The following PTPRZ1 variants were observed in gnomAD, a reference collection of about 807,000 sequenced individuals.
PTPRZ1 encodes protein tyrosine phosphatase receptor type Z1.
In PTPRZ1, 82 loss-of-function variants were observed where a neutral mutation model predicts 214.1. That is an observed-to-expected ratio of 0.38 (90% confidence interval 0.32 to 0.46). PTPRZ1 has a LOEUF of 0.46. Ranked by LOEUF, PTPRZ1 falls within the 20% of genes least tolerant of loss-of-function variation. The pLI, the probability that PTPRZ1 is intolerant of heterozygous loss-of-function variation, is 1.00. For missense variants in PTPRZ1, 2,603 were observed against 2,748.7 expected, an observed-to-expected ratio of 0.95 and a Z score of 1.19; for synonymous variants, 945 against 987.9, an observed-to-expected ratio of 0.96 and a Z score of 0.81.
intron 18 of PTPRZ1, among the ~76,000 whole-genome samples, chr7:122,037,877 A>G (rs1236368237): frequency 6.6e-6 from 1 of 152,204 alleles, no homozygotes; most frequent in Admixed American, 6.5e-5. Context: ...CACGTTCTGT[A>G]TTAGTCTATG....
chr7:121,962,403 G>A (rs1796907151), intron 2 of PTPRZ1, among the ~76,000 whole-genome samples: 1 of 151,488 alleles, frequency 6.6e-6, no homozygotes, highest in Admixed American at 6.6e-5. Context: ...AGCAGAGATT[G>A]CACCACTGCA....
chr7:122,050,546 AC>A (rs1410642947), intron 23 of PTPRZ1, among the ~76,000 whole-genome samples: 1 of 152,020 alleles, frequency 6.6e-6, no homozygotes, highest in African/African-American at 2.4e-5. Flanking sequence ...AGGACTTCTT[AC>A]GTAAAATGAT....
intron 14 of PTPRZ1, among the ~76,000 whole-genome samples, chr7:122,030,487 T>A (rs552775890): frequency 6.6e-6 from 1 of 152,154 alleles, no homozygotes; most frequent in East Asian, 1.9e-4. Flanking sequence ...CTTCTATAAG[T>A]GTGAAGGTAG....
chr7:121,972,573 A>C lies in PTPRZ1; in HGVS notation c.337A>C (p.Ser113Arg). ...EINLTNDYRVSGGVSEMVFKA... is the reference protein window; with the variant it reads ...EINLTNDYRVRGGVSEMVFKA... ...TAATCTCACTAATGACTACCGTGTC[A>C]GCGGAGGAGTTTCAGAAATGGTGTT... Residue 113 changes from serine (S) to arginine (R), a missense_variant, in exon 4 of 30, where the codon AGC becomes CGC. By Grantham distance (110) the Ser-to-Arg change is moderately radical. Transcript: ENST00000393386. 6.2e-7 allele frequency: 1 copy of C among 1,613,062 alleles called. No individual in the cohort carries two copies. The highest frequency in any genetic ancestry group is 1.1e-5 in the South Asian group (1 of 90,820).
intron 1 of PTPRZ1, among the ~76,000 whole-genome samples, chr7:121,912,717 A>C (rs1051257565): frequency 1.3e-5 from 2 of 152,154 alleles, no homozygotes; most frequent in African/African-American, 4.8e-5. Flanking sequence ...GAGTGGTGGC[A>C]TCTGTCTCTA....
intron 2 of PTPRZ1, among the ~76,000 whole-genome samples, chr7:121,961,169 G>A (rs1796864725): frequency 6.6e-6 from 1 of 152,126 alleles, no homozygotes; most frequent in Non-Finnish European, 1.5e-5. Flanking sequence ...CTGCATTCCT[G>A]CCTGCTTAGT....
At chr7:121,905,139 C>A (rs1441705137) in intron 1 of PTPRZ1, among the ~76,000 whole-genome samples, 1 of 152,146 alleles carries the variant, frequency 6.6e-6, no homozygotes, top group African/African-American at 2.4e-5. Context: ...TAATTTGATT[C>A]CATAGCAGGA....
At chr7:121,945,290 A>C (rs1198901331) in intron 2 of PTPRZ1, among the ~76,000 whole-genome samples, 3 of 152,216 alleles carry the variant, frequency 2.0e-5, no homozygotes, top group African/African-American at 7.2e-5. Context: ...ACATTAAACT[A>C]TACTGTGTAA....
intron 20 of PTPRZ1, among the ~76,000 whole-genome samples, chr7:122,040,585 T>C (rs1020262468): frequency 6.6e-6 from 1 of 152,172 alleles, no homozygotes; most frequent in Non-Finnish European, 1.5e-5. Context: ...TTTGTGTGAT[T>C]AGTGTTGACC....
intron 1 of PTPRZ1, among the ~76,000 whole-genome samples, chr7:121,917,930 A>C (rs1795472350): frequency 6.6e-6 from 1 of 152,202 alleles, no homozygotes. Flanking sequence ...GTGGCTTATA[A>C]AAGATACTGG....
intron 1 of PTPRZ1, among the ~76,000 whole-genome samples, chr7:121,912,266 T>A (rs1258682834): frequency 6.6e-6 from 1 of 152,240 alleles, no homozygotes; most frequent in African/African-American, 2.4e-5. Context: ...CCCTATCCAC[T>A]GTTCTTTGAT....
chr7:121,918,876 ATATACT>A (rs1312884716), intron 1 of PTPRZ1, among the ~76,000 whole-genome samples: 4 of 152,132 alleles, frequency 2.6e-5, no homozygotes, highest in African/African-American at 7.2e-5. Flanking sequence ...ATATTTGAAA[ATATACT>A]TATAATGGCT....
At chr7:121,975,984 G>C (rs1248952281) in intron 4 of PTPRZ1, among the ~76,000 whole-genome samples, 189 bp from the exon 5 acceptor site, 1 of 152,004 alleles carries the variant, frequency 6.6e-6, no homozygotes, top group Non-Finnish European at 1.5e-5. Flanking sequence ...ATCTCAAAAT[G>C]GTCATTTTGG....
chr7:121,885,250 T>A (rs970554815), intron 1 of PTPRZ1, among the ~76,000 whole-genome samples: 2 of 152,248 alleles, frequency 1.3e-5, no homozygotes, highest in East Asian at 3.8e-4. Context: ...GTTAAGTCTA[T>A]CCCAACTTGA....
At chr7:121,964,937 C>T (rs113462042) in intron 2 of PTPRZ1, among the ~76,000 whole-genome samples, 97 of 152,126 alleles carry the variant, frequency 6.4e-4, no homozygotes, top group African/African-American at 2.2e-3. Flanking sequence ...GGTAGAGAAC[C>T]GGAGCAGAGA....
chr7:121,912,408 C>T (rs1321801432), intron 1 of PTPRZ1, among the ~76,000 whole-genome samples: 1 of 152,156 alleles, frequency 6.6e-6, no homozygotes, highest in African/African-American at 2.4e-5. Flanking sequence ...AGCACTTACT[C>T]TGTGTCTGAT....
intron 2 of PTPRZ1, among the ~76,000 whole-genome samples, chr7:121,945,635 A>G (rs1796348589): frequency 6.6e-6 from 1 of 152,224 alleles, no homozygotes; most frequent in South Asian, 2.1e-4. Flanking sequence ...AACTCCTGAA[A>G]AATGACTGAG....
intron 1 of PTPRZ1, among the ~76,000 whole-genome samples, chr7:121,924,360 T>C (rs2116357048): frequency 6.6e-6 from 1 of 152,298 alleles, no homozygotes. Context: ...TCATTGGAGC[T>C]ATCACATCTC....
intron 23 of PTPRZ1, among the ~76,000 whole-genome samples, chr7:122,046,672 G>C (rs1255647710): frequency 6.6e-6 from 1 of 152,138 alleles, no homozygotes; most frequent in Non-Finnish European, 1.5e-5. Flanking sequence ...CCATGATCGA[G>C]AATTCAGGAA....
Sources: gnomAD v4.1 joint callset for allele counts (sites outside exome capture counted in the v4.1 genomes callset) on GRCh38, gnomAD v4.1.1 for gene constraint, MANE v1.5 for transcripts, NCBI Gene and HGNC (gene_info 2026-07-23, HGNC 2026-07-21) for gene names.